KCNAB2: variants seen among roughly 807,000 people sequenced by gnomAD.
KCNAB2 encodes potassium voltage-gated channel subfamily A regulatory beta subunit 2.
Under a neutral mutation model 63.6 loss-of-function variants are expected in KCNAB2, and 29 were observed. The ratio of observed to expected loss-of-function variants is 0.46; its 90% CI spans 0.34 to 0.62. The LOEUF (loss-of-function observed/expected upper bound fraction) is 0.62, where lower values mean the gene tolerates loss of function less well. Among genes scored for constraint, KCNAB2 ranks in the 20% least tolerant of loss-of-function variants. The probability of loss-of-function intolerance (pLI) is 0.01; values close to 1 mark genes in which losing one functional copy is unlikely to be tolerated. For synonymous variants in KCNAB2, 222 were observed against 224.2 expected (o/e 0.99, Z 0.09); for missense variants, 359 against 563.9 (o/e 0.64, Z 3.68).
chr1:6,064,222 C>T (rs1260485251), intron 2 of KCNAB2, among the ~76,000 whole-genome samples: 1 of 152,218 alleles, frequency 6.6e-6, no homozygotes, highest in Non-Finnish European at 1.5e-5. Context: ...TGGGCTGGGC[C>T]TCAGAGCCAC....
intron 1 of KCNAB2, among the ~76,000 whole-genome samples, chr1:6,016,005 A>G (rs1304867593): frequency 6.6e-6 from 1 of 152,126 alleles, no homozygotes; most frequent in Admixed American, 6.5e-5. Context: ...CCCAGCCCCT[A>G]GAGATGTTTT....
chr1:6,072,856 A>T, intron 3 of KCNAB2, 58 bp downstream of exon 3: 2 of 1,568,522 alleles, frequency 1.3e-6, no homozygotes, highest in Non-Finnish European at 1.8e-6. Context: ...GAGGCCGGGC[A>T]TGGACTGAAC....
chr1:6,001,616 G>T (rs1218425681), intron 1 of KCNAB2, among the ~76,000 whole-genome samples: 1 of 152,166 alleles, frequency 6.6e-6, no homozygotes, highest in Admixed American at 6.5e-5. Flanking sequence ...AGCAGGAGAG[G>T]TGGCACCTCA....
At chr1:6,062,939 A>G (rs1422497336) in intron 2 of KCNAB2, among the ~76,000 whole-genome samples, 3 of 152,138 alleles carry the variant, frequency 2.0e-5, no homozygotes, top group Non-Finnish European at 2.9e-5. Context: ...CATCAACCCC[A>G]GAAAGAAGCC....
chr1:6,093,089 G>A (rs1665321341), intron 10 of KCNAB2, among the ~76,000 whole-genome samples: 1 of 152,230 alleles, frequency 6.6e-6, no homozygotes, highest in Admixed American at 6.5e-5. Flanking sequence ...GGGGGAGCCT[G>A]CAGAACAAAC....
chr1:6,049,842 A>G (rs1333696658), intron 1 of KCNAB2, among the ~76,000 whole-genome samples: 1 of 152,226 alleles, frequency 6.6e-6, no homozygotes, highest in Non-Finnish European at 1.5e-5. Flanking sequence ...TGCAAATAAG[A>G]TACAGACGAA....
chr1:6,016,252 G>T (rs1292261426), intron 1 of KCNAB2, among the ~76,000 whole-genome samples: 1 of 151,910 alleles, frequency 6.6e-6, no homozygotes, highest in Non-Finnish European at 1.5e-5. Context: ...AGACCACCCT[G>T]CTGGGCCACC....
chr1:6,054,067 A>G (rs1661608689), intron 2 of KCNAB2, among the ~76,000 whole-genome samples: 1 of 151,956 alleles, frequency 6.6e-6, no homozygotes, highest in Admixed American at 6.6e-5. Flanking sequence ...AAGAAGAAGA[A>G]GAAGAATGTG....
In KCNAB2 at chr1:6,095,537, C is replaced by T. The variant is rs780488567; in HGVS notation, c.861C>T (p.Gly287=). Residue 287 remains glycine (G), a synonymous_variant, in exon 13 of 16, where the codon GGC becomes GGT. Coordinates refer to ENST00000378083, the MANE Select transcript of KCNAB2 (RefSeq NM_001199862.2). ...CCTGCTTTTCCTCTTCAGGAGTGGG[C>T]GCCATGACCTGGTCCCCTCTGGCCT... ...LPELFHKIGV[G]AMTWSPLACG... The T allele has an allele frequency of 1.2e-5, 19 of 1,565,068 alleles. No homozygotes were observed. The highest frequency in any genetic ancestry group is 1.7e-5 in the Admixed American group (1 of 58,170).
intron 2 of KCNAB2, among the ~76,000 whole-genome samples, chr1:6,066,896 T>C (rs888976380): frequency 6.6e-6 from 1 of 152,240 alleles, no homozygotes. Context: ...GGCACCTTGC[T>C]TCCCTCCACC....
Position 6,096,794 on chromosome 1 carries a change from G to C in KCNAB2, c.1069+38G>C. The C allele has an allele frequency of 6.6e-7, 1 of 1,524,798 alleles. No individual in the cohort carries two copies. The highest frequency in any genetic ancestry group is 8.8e-7 in the Non-Finnish European group (1 of 1,130,010). 94.5% of individuals were successfully genotyped at this position (1,524,798 alleles called of 1,614,324 possible). The stretch of plus-strand genomic sequence containing the variant: ...TCGCCATGGGGCCAGTGCCCCTGGG[G>C]AGAACCTGCCCCAGCTGGCCGTAGG... On this transcript the variant is annotated intron_variant, in intron 14 of 15. Coordinates refer to ENST00000378083, the MANE Select transcript of KCNAB2 (RefSeq NM_001199862.2). The surrounding 1 kb of genome is among the most constrained non-coding windows in gnomAD (Gnocchi z 5.9).
chr1:6,033,410 GTGTGCATGTC>G (rs1209777452), upstream of KCNAB2, among the ~76,000 whole-genome samples: 1 of 150,870 alleles, frequency 6.6e-6, no homozygotes, highest in Non-Finnish European at 1.5e-5. Flanking sequence ...GTGCCTGTAT[GTGTGCATGTC>G]TGTGCATGTG....
At chr1:6,040,509 T>A in intron 1 of KCNAB2, 1 of 1,477,494 alleles carries the variant, frequency 6.8e-7, no homozygotes, top group Non-Finnish European at 9.5e-7. Context: ...ATTTTGCTTT[T>A]CTTCCAGAAT....
chr1:6,001,425 G>A (rs954579940), intron 1 of KCNAB2, among the ~76,000 whole-genome samples: 20 of 152,166 alleles, frequency 1.3e-4, no homozygotes, highest in Non-Finnish European at 2.8e-4. Flanking sequence ...AAGCCTCCGG[G>A]GGTGCCACTG....
chr1:6,007,363 T>C (rs2100245771), intron 1 of KCNAB2: 1 of 152,424 alleles, frequency 6.6e-6, no homozygotes, highest in Non-Finnish European at 1.5e-5. Context: ...TCATCTGGTA[T>C]ACACCAGGAC....
intron 2 of KCNAB2, among the ~76,000 whole-genome samples, chr1:6,072,182 C>T (rs770156187): frequency 6.6e-6 from 1 of 152,170 alleles, no homozygotes; most frequent in Non-Finnish European, 1.5e-5. Flanking sequence ...CAGGCTCTGC[C>T]GCTGCTGTTG....
chr1:6,000,751 G>A (rs1657208936), intron 1 of KCNAB2, among the ~76,000 whole-genome samples: 1 of 152,158 alleles, frequency 6.6e-6, no homozygotes, highest in African/African-American at 2.4e-5. Flanking sequence ...AGCACCTGGG[G>A]GTCCTGGTGA....
chr1:6,096,696 C>A lies in KCNAB2; in HGVS notation c.1009C>A (p.Leu337Met), dbSNP rs746588148. ...SEEGRRQQAK[L>M]KELQAIAERL... ...GGAGGGCCGGCGCCAGCAAGCCAAG[C>A]TGAAGGAGCTGCAGGCCATCGCCGA... is the stretch of plus-strand genomic sequence containing the variant. The change falls in exon 14 of 16, where the codon CTG becomes ATG. Residue 337 changes from leucine (L) to methionine (M), a missense_variant. Around this residue, in one of 2 missense-constraint regions of KCNAB2, gnomAD observed 271 missense variants for 476.1 expected, o/e 0.57. Coordinates refer to ENST00000378083, the MANE Select transcript of KCNAB2 (RefSeq NM_001199862.2). This position sits in a 1 kb window ranked among gnomAD's most constrained non-coding sequence, Gnocchi z 5.9. The A allele has an allele frequency of 1.2e-6, 2 of 1,605,452 alleles. No homozygotes were observed. The highest frequency in any genetic ancestry group is 1.7e-5 in the Admixed American group (1 of 58,754).
Position 6,073,276 on chromosome 1 carries a change from A to C in KCNAB2, c.263-457A>C, listed in dbSNP as rs1663378159. On this transcript the variant is annotated intron_variant, in intron 3 of 15. Coordinates refer to ENST00000378083, the MANE Select transcript of KCNAB2 (RefSeq NM_001199862.2). The surrounding 1 kb of genome is among the most constrained non-coding windows in gnomAD (Gnocchi z 5.7). ...GCAGTACACACACCCCCACACACAC[A>C]CCGCCCACTGCAGTACACACACCCC... 6.7e-6 allele frequency among the ~76,000 whole-genome samples: 1 copy of C among 149,828 alleles called. No homozygotes were observed. Among genetic ancestry groups the C allele is most frequent in the Admixed American group, 6.6e-5 (1 of 15,062 alleles).
Sources: gnomAD v4.1 joint callset for allele counts (sites outside exome capture counted in the v4.1 genomes callset) on GRCh38, gnomAD v4.1.1 for gene constraint, gnomAD v4.1.1 regional missense constraint, Gnocchi (gnomAD v3.1) non-coding constraint, MANE v1.5 for transcripts, NCBI Gene and HGNC (gene_info 2026-07-23, HGNC 2026-07-21) for gene names.